The following XG variants were observed in gnomAD, a reference collection of about 807,000 sequenced individuals.
XG encodes the protein Xg glycoprotein (Xg blood group).
Under a neutral mutation model 25.7 loss-of-function variants are expected in XG, and 24 were observed. The observed-to-expected ratio is 0.93, with a 90% CI of 0.68 to 1.31. XG has a LOEUF of 1.31. XG is among the 40% of genes most tolerant of loss of function. The pLI, the probability that XG is intolerant of heterozygous loss-of-function variation, is 0.00. For synonymous variants in XG, 77 were observed against 69.2 expected (o/e 1.11, Z -0.56); for missense variants, 181 against 187.6 (o/e 0.96, Z 0.21).
At chrX:2,756,264 T>C (rs2050432776) in intron 1 of XG, among the ~76,000 whole-genome samples, 1 of 151,968 alleles carries the variant, frequency 6.6e-6, no homozygotes, top group African/African-American at 2.4e-5. Context: ...TTCTAACAGC[T>C]GAGAAGAAGC....
chrX:2,779,550 G>T (rs1024304529), intron 3 of XG, among the ~76,000 whole-genome samples: 1 of 152,056 alleles, frequency 6.6e-6, no homozygotes, highest in Non-Finnish European at 1.5e-5. Context: ...GTTTTAAGAC[G>T]CCTTCTTCCC....
In XG at chrX:2,794,618, TC is replaced by T. The variant is rs752707104; in HGVS notation, c.322+19del. ...GCCGCCTGCAGGTAGGTGCCGAGCC[TC>T]CCCAGATGCGACACATTGAATTTGC... On this transcript the variant is annotated intron_variant, in intron 6 of 10. Transcript: ENST00000644266. 4 of 1,206,453 alleles carry T rather than the reference TC, an allele frequency of 3.3e-6. No homozygotes were observed. The South Asian group carries it at 7.2e-5, about 22-fold the overall frequency.
Position 2,811,373 on chromosome X carries a change from C to T in XG, c.492C>T (p.Ser164=), listed in dbSNP as rs146284484. Residue 164 remains serine (S), a synonymous_variant, in exon 10 of 11, where the codon TCC becomes TCT. Coordinates refer to ENST00000644266, the MANE Select transcript of XG (RefSeq NM_001141919.2). The part of the protein sequence containing the change: ...MVAKIVSPIV[S]VVVVTLLGAA... ...CAAAAATCGTGTCTCCCATCGTATC[C>T]GTGGTGGTGGTGACACTGCTGGGAG... 3.6e-5 allele frequency: 43 copies of T among 1,205,463 alleles called. No homozygotes were observed. The African/African-American group carries it at 5.3e-4, about 15-fold the overall frequency.
chrX:2,808,812 G>A (rs921570933), intron 9 of XG, among the ~76,000 whole-genome samples: 19 of 111,326 alleles, frequency 1.7e-4, no homozygotes, highest in African/African-American at 5.6e-4. Flanking sequence ...TCAATTATGG[G>A]GGAGGAGAAA....
At chrX:2,766,042 G>A (rs1603304623) in intron 1 of XG, among the ~76,000 whole-genome samples, 1 of 152,396 alleles carries the variant, frequency 6.6e-6, no homozygotes, top group East Asian at 1.9e-4. Context: ...CTGGACAGCT[G>A]TGTAGAAATA....
At chrX:2,796,506 TTATA>T (rs895385865) in intron 6 of XG, among the ~76,000 whole-genome samples, 9 of 98,297 alleles carry the variant, frequency 9.2e-5, no homozygotes, top group African/African-American at 1.3e-4. Flanking sequence ...ATATACACCT[TTATA>T]TATGTACATT....
rs1210054610 is a variant in XG, at chrX:2,773,836, AG to A, written c.104-879del. On this transcript the variant is annotated intron_variant, in intron 2 of 10. Transcript: ENST00000644266. ...GAAGGAAGGAGAGAAGGAAGGAAGG[AG>A]AGAAGGAAGGAAGGAAGAAGGGAGG... Among the ~76,000 whole-genome samples, 22 of 143,628 alleles carry A rather than the reference AG, an allele frequency of 1.5e-4. 1 individual carries two copies. Among genetic ancestry groups the A allele is most frequent in the Non-Finnish European group, 2.6e-4 (17 of 64,510 alleles). The allele number at this position is 143,628 out of a possible 152,430, so 94.2% of individuals were successfully genotyped here. A position where few individuals can be genotyped will look rare whatever the true frequency, so the allele number is the denominator to read the frequency against.
At chrX:2,758,028 G>A (rs2050475263) in intron 1 of XG, among the ~76,000 whole-genome samples, 1 of 149,184 alleles carries the variant, frequency 6.7e-6, no homozygotes, top group Non-Finnish European at 1.5e-5. Flanking sequence ...CGCCTAAGGT[G>A]AGAAGCCATA....
chrX:2,782,880 G>A (rs144027723), intron 4 of XG, among the ~76,000 whole-genome samples: 2 of 111,716 alleles, frequency 1.8e-5, no homozygotes, highest in African/African-American at 6.5e-5. Context: ...AGGCAAGAAG[G>A]GGGTCTTTTT....
chrX:2,799,853 C>T (rs1341534435), intron 7 of XG, among the ~76,000 whole-genome samples: 1 of 111,843 alleles, frequency 8.9e-6, no homozygotes, highest in East Asian at 2.8e-4. Context: ...ACAATGCGTA[C>T]TCCGTGTTTA....
intron 1 of XG, among the ~76,000 whole-genome samples, chrX:2,757,971 C>CA (rs59540338): frequency 0.038 from 3,354 of 87,424 alleles, 85 homozygotes; most frequent in African/African-American, 0.085. Context: ...GACTCCATCT[C>CA]AAAAAAAAAA....
intron 5 of XG, among the ~76,000 whole-genome samples, chrX:2,792,912 T>C (rs1476457251): frequency 1.8e-5 from 2 of 110,424 alleles, no homozygotes; most frequent in East Asian, 2.8e-4. Flanking sequence ...CCTTTTGTAT[T>C]TTATACTTGT....
At chrX:2,805,435 C>T (rs2086986043) in intron 7 of XG, among the ~76,000 whole-genome samples, 1 of 111,319 alleles carries the variant, frequency 9.0e-6, no homozygotes, top group African/African-American at 3.3e-5. Flanking sequence ...CTCTCCTTGG[C>T]TCGTCGACAT....
intron 1 of XG, among the ~76,000 whole-genome samples, chrX:2,767,236 A>G (rs1256464989): frequency 6.6e-6 from 1 of 152,144 alleles, no homozygotes; most frequent in Non-Finnish European, 1.5e-5. Context: ...TGGTGACTGC[A>G]GGCTACAGAA....
At chrX:2,787,736 G>A (rs2086797753) in intron 4 of XG, among the ~76,000 whole-genome samples, 1 of 110,381 alleles carries the variant, frequency 9.1e-6, no homozygotes, top group Non-Finnish European at 1.9e-5. Flanking sequence ...GTGAAACCCT[G>A]TCTCTACTAA....
In XG at chrX:2,781,999, T is replaced by C. The variant is rs750988419; in HGVS notation, c.128-67T>C. The C allele has an allele frequency of 1.7e-4, 184 of 1,099,984 alleles. No individual in the cohort carries two copies. The African/African-American group carries it at 2.9e-3, about 18-fold the overall frequency. 90.7% of individuals were successfully genotyped at this position (1,099,984 alleles called of 1,213,427 possible). A position where few individuals can be genotyped will look rare whatever the true frequency, so the allele number is the denominator to read the frequency against. On this transcript the variant is annotated intron_variant, in intron 3 of 10. Transcript: ENST00000644266. Reference sequence around the variant, plus strand: ...CGATAGTCACGCTGATGAGCTTGTTTCTGCAGCCTGCTCCTAAGGGAAGGA... The same window carrying C: ...CGATAGTCACGCTGATGAGCTTGTTCCTGCAGCCTGCTCCTAAGGGAAGGA...
intron 4 of XG, among the ~76,000 whole-genome samples, chrX:2,783,265 A>G (rs1256570857): frequency 1.9e-5 from 2 of 105,459 alleles, no homozygotes; most frequent in African/African-American, 3.5e-5. Context: ...TTTGGCAGAC[A>G]GTTTTTTTCC....
intron 1 of XG, among the ~76,000 whole-genome samples, chrX:2,760,088 T>C (rs2050530458): frequency 6.6e-6 from 1 of 151,678 alleles, no homozygotes; most frequent in African/African-American, 2.4e-5. Flanking sequence ...GAGGCAGAGG[T>C]TGCAGTGAGC....
intron 5 of XG, among the ~76,000 whole-genome samples, chrX:2,793,897 G>T (rs1041448623): frequency 9.0e-6 from 1 of 111,153 alleles, no homozygotes; most frequent in African/African-American, 3.3e-5. Flanking sequence ...CTGGTTGATG[G>T]GGCAAGAGGA....
Sources: gnomAD v4.1 joint callset for allele counts (sites outside exome capture counted in the v4.1 genomes callset) on GRCh38, gnomAD v4.1.1 for gene constraint, MANE v1.5 for transcripts, NCBI Gene and HGNC (gene_info 2026-07-23, HGNC 2026-07-21) for gene names.